Variants in PTPN9 observed in about 807,000 individuals in gnomAD.
PTPN9 encodes the protein protein tyrosine phosphatase non-receptor type 9.
PTPN9 carries 26 observed loss-of-function variants against 69.8 expected under a neutral mutation model. The ratio of observed to expected loss-of-function variants is 0.37; its 90% CI spans 0.27 to 0.52. The LOEUF is 0.52. Among genes scored for constraint, PTPN9 ranks in the 20% least tolerant of loss-of-function variants. PTPN9 has a pLI of 0.91. For missense variants in PTPN9, 549 were observed against 740.3 expected, an observed-to-expected ratio of 0.74 and a Z score of 3.00; for synonymous variants, 274 against 272.5, an observed-to-expected ratio of 1.01 and a Z score of -0.05.
At chr15:75,472,794 A>AAG (rs1567462071) in intron 10 of PTPN9, among the ~76,000 whole-genome samples, 1 of 149,736 alleles carries the variant, frequency 6.7e-6, no homozygotes. Flanking sequence ...AAAAAAAAAA[A>AAG]GATATTAGCC....
chr15:75,544,944 C>T (rs948219556), intron 1 of PTPN9, among the ~76,000 whole-genome samples: 6 of 152,178 alleles, frequency 3.9e-5, no homozygotes, highest in Non-Finnish European at 8.8e-5. Context: ...TACTCCCAAA[C>T]CTGGCTTATT....
At chr15:75,522,491 G>A (rs889416426) in intron 4 of PTPN9, among the ~76,000 whole-genome samples, 1 of 151,938 alleles carries the variant, frequency 6.6e-6, no homozygotes, top group African/African-American at 2.4e-5. Context: ...CTGGGCTCAA[G>A]TGATCCTCCC....
At chr15:75,569,470 C>A (rs1297977714) in intron 1 of PTPN9, among the ~76,000 whole-genome samples, 1 of 151,810 alleles carries the variant, frequency 6.6e-6, no homozygotes, top group Admixed American at 6.6e-5. Context: ...TTTGAGAGGC[C>A]GAGGCGGGCT....
chr15:75,538,270 T>C (rs1283789808), intron 1 of PTPN9, among the ~76,000 whole-genome samples: 2 of 152,080 alleles, frequency 1.3e-5, no homozygotes, highest in South Asian at 2.1e-4. Flanking sequence ...CCATCACACA[T>C]AGGCCCCGTA....
intron 7 of PTPN9, among the ~76,000 whole-genome samples, chr15:75,498,795 G>A (rs535041565): frequency 7.2e-5 from 11 of 152,224 alleles, no homozygotes; most frequent in Admixed American, 2.0e-4. Context: ...TAAAAATAAT[G>A]AAGGGCAACG....
At chr15:75,470,400 T>C (rs559250079) in intron 11 of PTPN9, among the ~76,000 whole-genome samples, 2 of 152,336 alleles carry the variant, frequency 1.3e-5, no homozygotes, top group East Asian at 3.9e-4. Context: ...AAGTGATCCT[T>C]CCACCTCTGC....
chr15:75,546,338 T>C (rs565091144), intron 1 of PTPN9, among the ~76,000 whole-genome samples: 39 of 152,166 alleles, frequency 2.6e-4, no homozygotes, highest in African/African-American at 8.7e-4. Context: ...AGGGTGATAA[T>C]GGTGTATAGA....
intron 8 of PTPN9, among the ~76,000 whole-genome samples, chr15:75,485,042 G>T (rs2074666167): frequency 6.6e-6 from 1 of 152,128 alleles, no homozygotes; most frequent in Non-Finnish European, 1.5e-5. Context: ...TCCCATAGCA[G>T]CTAGTATTGA....
At chr15:75,481,870 C>T (rs1189569441) in intron 8 of PTPN9, among the ~76,000 whole-genome samples, 4 of 145,320 alleles carry the variant, frequency 2.8e-5, no homozygotes, top group Admixed American at 2.1e-4. Context: ...GCCGCCCCTC[C>T]GGGAGGTGAG....
intron 1 of PTPN9, among the ~76,000 whole-genome samples, chr15:75,574,650 T>C (rs1048509852): frequency 3.3e-5 from 5 of 152,032 alleles, no homozygotes; most frequent in Non-Finnish European, 7.4e-5. Context: ...TTCAGAAATA[T>C]TTTTAAGGAG....
At chr15:75,573,721 T>C (rs931552546) in intron 1 of PTPN9, among the ~76,000 whole-genome samples, 5 of 152,264 alleles carry the variant, frequency 3.3e-5, no homozygotes, top group Non-Finnish European at 7.3e-5. Flanking sequence ...GTCATTATGC[T>C]AGGCAATGTG....
chr15:75,545,262 C>CT (rs1356968566), intron 1 of PTPN9, among the ~76,000 whole-genome samples: 3 of 152,000 alleles, frequency 2.0e-5, no homozygotes, highest in African/African-American at 7.3e-5. Context: ...ATTATGGGAA[C>CT]TTAAAATTTA....
chr15:75,541,271 G>C (rs987572117), intron 1 of PTPN9, among the ~76,000 whole-genome samples: 4 of 147,470 alleles, frequency 2.7e-5, no homozygotes. Context: ...AATTTTTGTA[G>C]AGATAGGGTC....
At position 75,468,846 on chromosome 15, in the gene PTPN9, T is replaced by A. The variant is rs1396618018; in HGVS notation, c.1705A>T (p.Lys569Ter). ...QTPEQYYFCY[K>*]AILEFAEKEG... is the part of the protein sequence containing the mutation. The stretch of plus-strand genomic sequence containing the variant: ...TTCTCTGCGAACTCCAGGATGGCCT[T>A]GTAGCAAAAATAGTACTGCTCAGGG... The change falls in exon 13 of 13, where the codon AAG (lysine) becomes TAG (stop). Residue 569 changes from lysine to a stop codon, truncating the protein, a stop_gained. Coordinates refer to ENST00000618819, the MANE Select transcript of PTPN9 (RefSeq NM_002833.4). LOFTEE classifies it high-confidence loss of function. The A allele has an allele frequency of 6.2e-7, 1 of 1,614,122 alleles. No individual in the cohort carries two copies.
At chr15:75,548,131 A>C (rs1196689123) in intron 1 of PTPN9, among the ~76,000 whole-genome samples, 1 of 152,216 alleles carries the variant, frequency 6.6e-6, no homozygotes, top group Admixed American at 6.5e-5. Context: ...CCAGAACAAG[A>C]AAAGTGGTAG....
At chr15:75,569,803 C>G (rs1163792951) in intron 1 of PTPN9, among the ~76,000 whole-genome samples, 2 of 151,306 alleles carry the variant, frequency 1.3e-5, no homozygotes, top group African/African-American at 4.9e-5. Context: ...ATTCACAAAA[C>G]TAAAGTCCAA....
At chr15:75,537,511 T>TGGGA (rs1304926480) in intron 1 of PTPN9, among the ~76,000 whole-genome samples, 2 of 136,194 alleles carry the variant, frequency 1.5e-5, no homozygotes, top group African/African-American at 2.8e-5. Context: ...CCCAGCACTT[T>TGGGA]GGGAGGCTTA....
At chr15:75,484,772 G>C (rs2074664289) in intron 8 of PTPN9, among the ~76,000 whole-genome samples, 1 of 152,160 alleles carries the variant, frequency 6.6e-6, no homozygotes, top group African/African-American at 2.4e-5. Context: ...AGAGAGGTCA[G>C]ACTGACTCTT....
chr15:75,579,123 G>A lies in PTPN9; in HGVS notation c.-347C>T, dbSNP rs1178861234. ...GGAAATCAGGAACTTTTAGAGCCGG[G>A]AGCGAAGGGTCGGCGGAAATTTCCC... is the stretch of plus-strand genomic sequence containing the variant. On this transcript the variant is annotated 5_prime_UTR_variant, in exon 1 of 13. Coordinates refer to ENST00000618819, the MANE Select transcript of PTPN9 (RefSeq NM_002833.4). The A allele has an allele frequency of 6.3e-6, 1 of 158,958 alleles. No individual in the cohort carries two copies. The highest frequency in any genetic ancestry group is 1.4e-5 in the Non-Finnish European group (1 of 72,674). The allele number at this position is 158,958 out of a possible 1,614,324, so 9.8% of individuals were successfully genotyped here.
Sources: gnomAD v4.1 joint callset for allele counts (sites outside exome capture counted in the v4.1 genomes callset) on GRCh38, gnomAD v4.1.1 for gene constraint, MANE v1.5 for transcripts, NCBI Gene and HGNC (gene_info 2026-07-23, HGNC 2026-07-21) for gene names.